SYT1: variants seen among roughly 807,000 people sequenced by gnomAD.
The protein encoded by SYT1 is synaptotagmin-1.
SYT1 carries 8 observed loss-of-function variants against 44.8 expected under a neutral mutation model. That is an observed-to-expected ratio of 0.18 (90% CI 0.10 to 0.32). The LOEUF is 0.32. SYT1 is among the 10% of genes least tolerant of loss of function. The pLI is 1.00. For synonymous variants in SYT1, 154 were observed against 188.8 expected, an observed-to-expected ratio of 0.82 and a Z score of 1.51; for missense variants, 286 against 509.3, an observed-to-expected ratio of 0.56 and a Z score of 4.22.
At chr12:79,070,988 A>G (rs772891899) in intron 3 of SYT1, among the ~76,000 whole-genome samples, 7 of 152,176 alleles carry the variant, frequency 4.6e-5, no homozygotes, top group Non-Finnish European at 1.0e-4. Context: ...GTGTGTACAT[A>G]AGAGTAGATA....
intron 2 of SYT1, among the ~76,000 whole-genome samples, chr12:79,012,225 A>C (rs1871459756): frequency 6.6e-6 from 1 of 151,984 alleles, no homozygotes; most frequent in African/African-American, 2.4e-5. Context: ...TTGTAGCGGT[A>C]AGAGGTCCAG....
chr12:78,864,706 G>T (rs908136262), upstream of SYT1: 1 of 152,542 alleles, frequency 6.6e-6, no homozygotes, highest in Non-Finnish European at 1.5e-5. Context: ...ATGGGCGGCC[G>T]CCTCCTCACT....
At chr12:79,071,345 C>A (rs142126048) in intron 3 of SYT1, among the ~76,000 whole-genome samples, 5 of 152,244 alleles carry the variant, frequency 3.3e-5, no homozygotes, top group Non-Finnish European at 5.9e-5. Flanking sequence ...ATGATATGGA[C>A]TTTGTCCTTA....
chr12:79,127,034 T>C lies in SYT1; in HGVS notation c.-18+79672T>C, dbSNP rs529017343. Among the ~76,000 whole-genome samples, 4 of 152,344 alleles carry C rather than the reference T, an allele frequency of 2.6e-5. No individual in the cohort carries two copies. The South Asian group carries it at 8.3e-4, about 32-fold the overall frequency. On this transcript the variant is annotated intron_variant, in intron 3 of 10. Transcript: ENST00000261205. ...GTCTCTGGCAGCATCTCTCAGCATC[T>C]AGTCTATTGTCTCACACTGTTAAAA...
intron 2 of SYT1, among the ~76,000 whole-genome samples, chr12:79,016,179 A>G (rs1374560604): frequency 6.6e-6 from 1 of 152,116 alleles, no homozygotes; most frequent in Admixed American, 6.6e-5. Context: ...TAATAATATC[A>G]AAGGTTTCAC....
intron 8 of SYT1, among the ~76,000 whole-genome samples, chr12:79,307,995 G>A (rs1270500044): frequency 6.6e-6 from 1 of 152,126 alleles, no homozygotes; most frequent in East Asian, 1.9e-4. Context: ...GAACCTCATG[G>A]GCTGAGACGT....
intron 3 of SYT1, among the ~76,000 whole-genome samples, chr12:79,157,117 T>A (rs1870647427): frequency 1.3e-5 from 2 of 152,154 alleles, no homozygotes; most frequent in Non-Finnish European, 2.9e-5. Flanking sequence ...GGGTCACCCA[T>A]CCCTGCTCCT....
chr12:78,933,555 C>T (rs1565725148), intron 1 of SYT1, among the ~76,000 whole-genome samples: 1 of 152,118 alleles, frequency 6.6e-6, no homozygotes, highest in African/African-American at 2.4e-5. Flanking sequence ...TCTTTTCACT[C>T]TACTTGTCAA....
intron 3 of SYT1, among the ~76,000 whole-genome samples, chr12:79,115,614 A>G (rs1039782275): frequency 5.3e-5 from 8 of 152,234 alleles, no homozygotes; most frequent in South Asian, 2.1e-4. Context: ...GCAGGAGGTA[A>G]CCTTGCCTCT....
At chr12:79,069,510 C>CT (rs1369472430) in intron 3 of SYT1, among the ~76,000 whole-genome samples, 8 of 151,210 alleles carry the variant, frequency 5.3e-5, no homozygotes, top group African/African-American at 1.7e-4. Context: ...TGTTGAGACT[C>CT]TAAGTGATTT....
At chr12:79,119,725 A>G (rs1259823833) in intron 3 of SYT1, among the ~76,000 whole-genome samples, 1 of 152,196 alleles carries the variant, frequency 6.6e-6, no homozygotes, top group Non-Finnish European at 1.5e-5. Context: ...CAAGAAACCC[A>G]GGACTCACTG....
rs1367652225 is a variant in SYT1 at position 79,447,920 on chromosome 12, G to C, written c.1063-998G>C. Among the ~76,000 whole-genome samples, 3 of 152,168 alleles carry C rather than the reference G, an allele frequency of 2.0e-5. No individual in the cohort carries two copies. The East Asian group carries it at 5.8e-4, about 29-fold the overall frequency. On this transcript the variant is annotated intron_variant, in intron 10 of 10. Transcript: ENST00000261205. ...TCAGCTGGTTCTTAATCTGGCCCTAGCTTTTATAATTACATTTTCTGCTAC... is the reference window on the plus strand; with the variant it reads ...TCAGCTGGTTCTTAATCTGGCCCTACCTTTTATAATTACATTTTCTGCTAC...
chr12:79,064,960 GA>G (rs1446604379), intron 3 of SYT1, among the ~76,000 whole-genome samples: 12 of 150,030 alleles, frequency 8.0e-5, no homozygotes, highest in Admixed American at 2.0e-4. Context: ...AAGAAAGAAA[GA>G]AAGAAAGAAA....
At chr12:79,295,942 A>G in intron 6 of SYT1, 127 bp from the exon 7 acceptor site, 3 of 1,100,872 alleles carry the variant, frequency 2.7e-6, no homozygotes, top group Non-Finnish European at 3.8e-6. Context: ...TTCATAAGAG[A>G]ATCAGAGTTT....
intron 4 of SYT1, among the ~76,000 whole-genome samples, chr12:79,239,429 G>A (rs1876372377): frequency 6.6e-6 from 1 of 152,174 alleles, no homozygotes; most frequent in African/African-American, 2.4e-5. Flanking sequence ...GAAAAACTCA[G>A]AAAATCTGAA....
intron 8 of SYT1, among the ~76,000 whole-genome samples, chr12:79,334,240 G>A (rs1432303820): frequency 1.3e-5 from 2 of 151,416 alleles, no homozygotes; most frequent in African/African-American, 4.9e-5. Flanking sequence ...TCTGTCCTAT[G>A]CCTTTCCCAC....
intron 8 of SYT1, among the ~76,000 whole-genome samples, chr12:79,338,633 C>T (rs1417740977): frequency 2.6e-5 from 3 of 117,208 alleles, no homozygotes; most frequent in African/African-American, 9.6e-5. Flanking sequence ...TCCCTCCCTT[C>T]CTTACTTCCT....
chr12:79,122,166 G>C (rs1565815776), intron 3 of SYT1, among the ~76,000 whole-genome samples: 1 of 152,080 alleles, frequency 6.6e-6, no homozygotes, highest in Admixed American at 6.5e-5. Context: ...CGTATAATTA[G>C]AAATAAAAGA....
intron 2 of SYT1, among the ~76,000 whole-genome samples, chr12:79,038,610 T>C (rs1488805657): frequency 6.6e-6 from 1 of 151,926 alleles, no homozygotes; most frequent in Non-Finnish European, 1.5e-5. Flanking sequence ...CACATCAACC[T>C]TGTAACTATT....
Sources: allele counts gnomAD v4.1 joint callset (sites outside exome capture counted in the v4.1 genomes callset), GRCh38; gene constraint gnomAD v4.1.1; transcripts MANE v1.5; gene names NCBI Gene and HGNC (gene_info 2026-07-23, HGNC 2026-07-21).